The following GABPB2 variants were observed in gnomAD, a reference collection of about 807,000 sequenced individuals.
GABPB2 encodes GA binding protein transcription factor subunit beta 2.
In GABPB2, 23 loss-of-function variants were observed where a neutral mutation model predicts 39.1. That is an observed-to-expected ratio of 0.59 (90% confidence interval 0.42 to 0.83). The LOEUF (loss-of-function observed/expected upper bound fraction) is 0.83, where lower values mean the gene tolerates loss of function less well. GABPB2 is among the 40% of genes least tolerant of loss of function. The pLI, the probability that GABPB2 is intolerant of heterozygous loss-of-function variation, is 0.00. For synonymous variants in GABPB2, 184 were observed against 199.3 expected (o/e 0.92, Z 0.65); for missense variants, 467 against 541.1 (o/e 0.86, Z 1.36).
At chr1:151,085,302 C>T (rs1483444208) in intron 1 of GABPB2, among the ~76,000 whole-genome samples, 1 of 151,686 alleles carries the variant, frequency 6.6e-6, no homozygotes, top group Non-Finnish European at 1.5e-5. Context: ...GAGGCTGAGG[C>T]AGGAGAATCG....
At chr1:151,105,894 C>G (rs1451125118) in intron 6 of GABPB2, among the ~76,000 whole-genome samples, 1 of 152,040 alleles carries the variant, frequency 6.6e-6, no homozygotes, top group East Asian at 1.9e-4. Context: ...ACATATTATT[C>G]TGTGAATTCA....
rs1377500722 is a variant in GABPB2 at position 151,093,385 on chromosome 1, A to G, written c.470A>G (p.Gln157Arg). 1 of 1,584,430 alleles carries G rather than the reference A, an allele frequency of 6.3e-7. No homozygotes were observed. Among genetic ancestry groups the G allele is most frequent in the East Asian group, 2.3e-5 (1 of 43,654 alleles). The part of the protein sequence containing the change: ...KNNAEILVIL[Q>R]EAMQNQVNVN... ...AATGCTGAGATTTTGGTCATCCTCC[A>G]GGTGTGGTTCTTTTTATACTCTCCA... The change falls in exon 4 of 9, where the codon CAG (glutamine) becomes CGG (arginine). Residue 157 changes from glutamine to arginine, a missense_variant and splice_region_variant. Coordinates refer to ENST00000368918, the MANE Select transcript of GABPB2 (RefSeq NM_144618.3).
At chr1:151,094,474 TGAGTAGCTGAGATTAC>T (rs1678957299) in intron 4 of GABPB2, among the ~76,000 whole-genome samples, 1 of 149,026 alleles carries the variant, frequency 6.7e-6, no homozygotes, top group Admixed American at 6.7e-5. Flanking sequence ...CTCAGCCTCC[TGAGTAGCTGAGATTAC>T]AGGCACCTGC....
chr1:151,090,515 C>T lies in GABPB2; in HGVS notation c.218C>T (p.Thr73Ile). 4 of 1,614,076 alleles carry T rather than the reference C, an allele frequency of 2.5e-6. No individual in the cohort carries two copies. Among genetic ancestry groups the T allele is most frequent in the Non-Finnish European group, 3.4e-6 (4 of 1,179,976 alleles). The change falls in exon 3 of 9, where the codon ACC (threonine) becomes ATC (isoleucine). Residue 73 changes from threonine (T) to isoleucine (I), a missense_variant. By Grantham distance (89) the Thr-to-Ile change is moderately conservative. Coordinates refer to ENST00000368918, the MANE Select transcript of GABPB2 (RefSeq NM_144618.3). ...SRDARTKVDR[T>I]PLHMAAADGH... ...GATGCCCGGACTAAAGTAGACAGGA[C>T]CCCCTTGCACATGGCTGCAGCCGAT...
rs1432020376 is a variant in GABPB2 at position 151,088,235 on chromosome 1, A to G, written c.46A>G (p.Lys16Glu). 2 of 1,614,142 alleles carry G rather than the reference A, an allele frequency of 1.2e-6. No homozygotes were observed. Among genetic ancestry groups the G allele is most frequent in the South Asian group, 2.2e-5 (2 of 91,078 alleles). ...AAAGAGGTTGCTAGAAGCAGCAAGA[A>G]AAGGCCAAGATGATGAAGTGAGAAC... ...LGKRLLEAARKGQDDEVRTLM... is the reference protein window; with the variant it reads ...LGKRLLEAAREGQDDEVRTLM... Residue 16 changes from lysine (K) to glutamate (E), a missense_variant, in exon 2 of 9, where the codon AAA becomes GAA. Physicochemically the swap from Lys to Glu is moderately conservative, Grantham distance 56. Coordinates refer to ENST00000368918, the MANE Select transcript of GABPB2 (RefSeq NM_144618.3).
intron 4 of GABPB2, among the ~76,000 whole-genome samples, chr1:151,096,758 A>C (rs587658171): frequency 6.6e-6 from 1 of 152,306 alleles, no homozygotes; most frequent in South Asian, 2.1e-4. Context: ...CAATGGCCGA[A>C]TGGAACAAGT....
At chr1:151,078,903 C>T (rs1677418895) in intron 1 of GABPB2, among the ~76,000 whole-genome samples, 1 of 151,796 alleles carries the variant, frequency 6.6e-6, no homozygotes, top group Non-Finnish European at 1.5e-5. Flanking sequence ...AACTCCTGCC[C>T]TCAAGTGACC....
rs1681197101 is a variant in GABPB2 at position 151,121,904 on chromosome 1, A to G, written c.*3648A>G. The G allele has an allele frequency of 1.3e-5, 2 of 152,188 alleles. No homozygotes were observed. The highest frequency in any genetic ancestry group is 4.1e-4 in the South Asian group (2 of 4,836). The allele number at this position is 152,188 out of a possible 1,614,324, so 9.4% of individuals were successfully genotyped here. ...TGCTTGCTTTGTTATAAATTAGAAG[A>G]AACCAGAGGGAGATGTGCCAAGTAA... is the stretch of plus-strand genomic sequence containing the variant. On this transcript the variant is annotated 3_prime_UTR_variant, in exon 9 of 9. Transcript: ENST00000368918.
intron 1 of GABPB2, among the ~76,000 whole-genome samples, chr1:151,084,965 T>C (rs1312335336): frequency 6.6e-6 from 1 of 152,146 alleles, no homozygotes; most frequent in Non-Finnish European, 1.5e-5. Flanking sequence ...CTGGGCATGG[T>C]GCCACTTGCC....
At chr1:151,091,148 C>CA (rs1419625630) in intron 3 of GABPB2, among the ~76,000 whole-genome samples, 2 of 151,518 alleles carry the variant, frequency 1.3e-5, no homozygotes, top group African/African-American at 4.8e-5. Flanking sequence ...AGTGCAGTGG[C>CA]ACGATCTCTG....
rs1679211875 is a variant in GABPB2 at position 151,097,837 on chromosome 1, T to G, written c.472-15T>G. ...AATAAGTGTTCTGATTGAAATATCC[T>G]GCCTTGTTTGATAGGAAGCAATGCA... is the stretch of plus-strand genomic sequence containing the variant. On this transcript the variant is annotated splice_polypyrimidine_tract_variant and intron_variant, in intron 4 of 8. Coordinates refer to ENST00000368918, the MANE Select transcript of GABPB2 (RefSeq NM_144618.3). 6.2e-7 allele frequency: 1 copy of G among 1,610,984 alleles called. No homozygotes were observed. Among genetic ancestry groups the G allele is most frequent in the East Asian group, 2.2e-5 (1 of 44,848 alleles).
At chr1:151,110,152 A>AC (rs1204221677) in intron 7 of GABPB2, among the ~76,000 whole-genome samples, 1 of 147,330 alleles carries the variant, frequency 6.8e-6, no homozygotes, top group Non-Finnish European at 1.5e-5. Context: ...GTGAGTCACG[A>AC]CCCCTGGTCT....
At chr1:151,083,436 A>G (rs1677889287) in intron 1 of GABPB2, among the ~76,000 whole-genome samples, 1 of 152,200 alleles carries the variant, frequency 6.6e-6, no homozygotes, top group South Asian at 2.1e-4. Flanking sequence ...GTTTGAGGAC[A>G]GCCTGGCCAA....
chr1:151,107,325 G>A (rs1405273020), intron 7 of GABPB2, 103 bp downstream of exon 7: 3 of 739,724 alleles, frequency 4.1e-6, no homozygotes, highest in Non-Finnish European at 5.7e-6. Context: ...GTGGGAGATT[G>A]CCAGATGCAA....
intron 3 of GABPB2, among the ~76,000 whole-genome samples, chr1:151,092,969 G>GT (rs150357312): frequency 0.018 from 2,805 of 152,208 alleles, 55 homozygotes; most frequent in South Asian, 0.085. Flanking sequence ...TCTTCCATCT[G>GT]TTTAATTTCC....
chr1:151,102,896 C>T (rs1183586381), intron 5 of GABPB2, among the ~76,000 whole-genome samples: 1 of 152,120 alleles, frequency 6.6e-6, no homozygotes, highest in Non-Finnish European at 1.5e-5. Context: ...ATGCATTTTA[C>T]ACTTACTGCC....
At chr1:151,082,956 A>G (rs1055257438) in intron 1 of GABPB2, among the ~76,000 whole-genome samples, 7 of 151,530 alleles carry the variant, frequency 4.6e-5, no homozygotes, top group Admixed American at 2.0e-4. Context: ...AGCCTGGGCA[A>G]CAGAAAAAGA....
intron 1 of GABPB2, among the ~76,000 whole-genome samples, chr1:151,072,845 CACAAACAA>C (rs749172532): frequency 1.1e-3 from 168 of 152,196 alleles, no homozygotes; most frequent in African/African-American, 3.9e-3. Context: ...AAAACTCCAT[CACAAACAA>C]ACAAACAAAC....
chr1:151,072,393 A>T (rs921589443), intron 1 of GABPB2, among the ~76,000 whole-genome samples: 1 of 151,970 alleles, frequency 6.6e-6, no homozygotes, highest in African/African-American at 2.4e-5. Flanking sequence ...ACAGAGAAAA[A>T]AAAATTATTT....
Sources: allele counts gnomAD v4.1 joint callset (sites outside exome capture counted in the v4.1 genomes callset), GRCh38; gene constraint gnomAD v4.1.1; transcripts MANE v1.5; gene names NCBI Gene and HGNC (gene_info 2026-07-23, HGNC 2026-07-21).